The following PTPRD variants were observed in gnomAD, a reference collection of about 807,000 sequenced individuals.
The protein encoded by PTPRD is protein tyrosine phosphatase receptor type D, also known as receptor-type tyrosine-protein phosphatase delta.
In PTPRD, 34 loss-of-function variants were observed where a neutral mutation model predicts 214.5. That is an observed-to-expected ratio of 0.16 (90% CI 0.12 to 0.21). The LOEUF (loss-of-function observed/expected upper bound fraction) is 0.21. Among genes scored for constraint, PTPRD ranks in the 10% least tolerant of loss-of-function variants. The pLI, the probability that PTPRD is intolerant of heterozygous loss-of-function variation, is 1.00. For synonymous variants in PTPRD, 1,128 were observed against 845.7 expected (o/e 1.33, Z -5.79); for missense variants, 2,545 against 2,398.7 (o/e 1.06, Z -1.27).
rs543389932 is a variant in PTPRD, at chr9:10,494,685, A to AT, written c.-600+117712_-600+117713insA. ...CACAGGTAATTGTAAAACTTAAAAA[A>AT]ATTTTCTATTACGGTATAAATGTAA... On this transcript the variant is annotated intron_variant, in intron 2 of 45. Transcript: ENST00000381196. Among the ~76,000 whole-genome samples the AT allele has an allele frequency of 5.5e-3, 835 of 151,184 alleles. 6 individuals are homozygous for AT. The highest frequency in any genetic ancestry group is 0.019 in the African/African-American group (806 of 41,398).
At position 10,396,960 on chromosome 9, in the gene PTPRD, C is replaced by G. The variant is rs532638258; in HGVS notation, c.-599-55943G>C. Among the ~76,000 whole-genome samples, 6 of 152,052 alleles carry G rather than the reference C, an allele frequency of 3.9e-5. No homozygotes were observed. The South Asian group carries it at 1.2e-3, about 32-fold the overall frequency. On this transcript the variant is annotated intron_variant, in intron 2 of 45. Coordinates refer to ENST00000381196, the MANE Select transcript of PTPRD (RefSeq NM_002839.4). ...TAATACATACAGTCAAACAATCTTT[C>G]TGACAATTGCAGGTCACATACCTAG...
At chr9:8,731,505 G>A (rs1041923081) in intron 12 of PTPRD, among the ~76,000 whole-genome samples, 1 of 152,168 alleles carries the variant, frequency 6.6e-6, no homozygotes, top group African/African-American at 2.4e-5. Flanking sequence ...ATATGATAGT[G>A]AATAAATCAA....
intron 3 of PTPRD, among the ~76,000 whole-genome samples, chr9:10,044,149 G>T (rs1291823376): frequency 2.6e-5 from 4 of 151,186 alleles, no homozygotes; most frequent in Non-Finnish European, 4.5e-5. Context: ...TAATTCACTG[G>T]AACTGTGAAT....
intron 4 of PTPRD, among the ~76,000 whole-genome samples, chr9:9,998,776 A>G (rs544144113): frequency 1.3e-5 from 2 of 152,222 alleles, no homozygotes; most frequent in East Asian, 1.9e-4. Flanking sequence ...CTCTAACAAG[A>G]CCACTTGAGA....
chr9:8,500,938 C>G lies in PTPRD; in HGVS notation c.1944G>C (p.Lys648Asn). 1 of 1,614,050 alleles carries G rather than the reference C, an allele frequency of 6.2e-7. No individual in the cohort carries two copies. Among genetic ancestry groups the G allele is most frequent in the Non-Finnish European group, 8.5e-7 (1 of 1,179,996 alleles). ...CATCTTCCCCATCCACTGCAGTGTA[C>G]TTGATGGAGTATTCAGTGATAATGC... The part of the protein sequence containing the change: ...QNGIITEYSI[K>N]YTAVDGEDDK... The change falls in exon 24 of 46, where the codon AAG becomes AAC. Residue 648 changes from lysine (K) to asparagine (N), a missense_variant. Coordinates refer to ENST00000381196, the MANE Select transcript of PTPRD (RefSeq NM_002839.4).
Position 8,425,689 on chromosome 9 carries a change from A to C in PTPRD, c.4086+10903T>G, listed in dbSNP as rs534008185. ...TTTTTGTTTTTTTTCTGTTTCTCCT[A>C]GAAGACTATGGACTCATTCAGGACA... On this transcript the variant is annotated intron_variant, in intron 35 of 45. Coordinates refer to ENST00000381196, the MANE Select transcript of PTPRD (RefSeq NM_002839.4). 1.6e-4 allele frequency among the ~76,000 whole-genome samples: 25 copies of C among 151,912 alleles called. No homozygotes were observed. The South Asian group carries it at 5.2e-3, about 32-fold the overall frequency.
At chr9:9,790,940 G>A (rs960067500) in intron 5 of PTPRD, among the ~76,000 whole-genome samples, 2 of 152,104 alleles carry the variant, frequency 1.3e-5, no homozygotes, top group Non-Finnish European at 2.9e-5. Flanking sequence ...GTTTGAACAG[G>A]TCCTATGGCA....
chr9:8,635,271 G>C (rs1226009670), intron 13 of PTPRD, among the ~76,000 whole-genome samples: 2 of 151,316 alleles, frequency 1.3e-5, no homozygotes, highest in East Asian at 3.9e-4. Flanking sequence ...TTTGTTACAT[G>C]ATTTTGTCAG....
At chr9:10,255,631 T>G (rs2093199923) in intron 3 of PTPRD, among the ~76,000 whole-genome samples, 1 of 152,076 alleles carries the variant, frequency 6.6e-6, no homozygotes, top group South Asian at 2.1e-4. Context: ...ATATTTTTAT[T>G]TCTTCAATAA....
At chr9:8,866,443 G>A (rs2098196967) in intron 11 of PTPRD, among the ~76,000 whole-genome samples, 1 of 151,706 alleles carries the variant, frequency 6.6e-6, no homozygotes. Context: ...TTTCCTGATT[G>A]GCCCCAATCT....
intron 2 of PTPRD, among the ~76,000 whole-genome samples, chr9:10,552,468 T>C (rs2061552040): frequency 6.6e-6 from 1 of 152,172 alleles, no homozygotes; most frequent in African/African-American, 2.4e-5. Context: ...CTCATTCTTC[T>C]GTCTTTTTTT....
At chr9:9,645,467 A>C (rs982073696) in intron 7 of PTPRD, among the ~76,000 whole-genome samples, 1 of 144,278 alleles carries the variant, frequency 6.9e-6, no homozygotes, top group Non-Finnish European at 1.5e-5. Flanking sequence ...GTATATATAT[A>C]TATATATATA....
intron 33 of PTPRD, among the ~76,000 whole-genome samples, chr9:8,450,863 C>T (rs546422594): frequency 5.3e-5 from 8 of 152,250 alleles, no homozygotes; most frequent in South Asian, 2.1e-4. Flanking sequence ...CAAATACTAA[C>T]GCCTGCAATC....
At chr9:9,851,965 A>G (rs1228287821) in intron 5 of PTPRD, among the ~76,000 whole-genome samples, 1 of 152,128 alleles carries the variant, frequency 6.6e-6, no homozygotes, top group Non-Finnish European at 1.5e-5. Flanking sequence ...CAGACTTGCA[A>G]ATTAAGTTCT....
chr9:8,591,087 T>C (rs778255210), intron 14 of PTPRD, among the ~76,000 whole-genome samples: 4 of 152,192 alleles, frequency 2.6e-5, no homozygotes, highest in Non-Finnish European at 4.4e-5. Context: ...TCATTTTGCA[T>C]AATTCTGACA....
At chr9:9,336,844 T>C (rs1391006743) in intron 9 of PTPRD, among the ~76,000 whole-genome samples, 1 of 152,148 alleles carries the variant, frequency 6.6e-6, no homozygotes, top group Non-Finnish European at 1.5e-5. Flanking sequence ...TTTGTGATAG[T>C]TTATATGAGT....
chr9:8,845,872 G>A (rs2097685168), intron 11 of PTPRD, among the ~76,000 whole-genome samples: 1 of 152,166 alleles, frequency 6.6e-6, no homozygotes, highest in Non-Finnish European at 1.5e-5. Flanking sequence ...CTCTGTTAGG[G>A]CGGTCATTTG....
chr9:9,537,213 G>A (rs1448892092), intron 8 of PTPRD, among the ~76,000 whole-genome samples: 1 of 151,874 alleles, frequency 6.6e-6, no homozygotes, highest in Non-Finnish European at 1.5e-5. Flanking sequence ...CTACCAAGGT[G>A]TATGATATAA....
At chr9:10,558,995 T>C (rs2063235645) in intron 2 of PTPRD, among the ~76,000 whole-genome samples, 1 of 152,118 alleles carries the variant, frequency 6.6e-6, no homozygotes, top group African/African-American at 2.4e-5. Context: ...TATTTCTATA[T>C]TATATATTTT....
Sources: allele counts gnomAD v4.1 joint callset (sites outside exome capture counted in the v4.1 genomes callset), GRCh38; gene constraint gnomAD v4.1.1; transcripts MANE v1.5; gene names NCBI Gene and HGNC (gene_info 2026-07-23, HGNC 2026-07-21).